TAF2: variants seen among roughly 807,000 people sequenced by gnomAD.
TAF2 encodes the protein transcription initiation factor TFIID subunit 2.
Under a neutral mutation model 138.5 loss-of-function variants are expected in TAF2, and 61 were observed. The ratio of observed to expected loss-of-function variants is 0.44; its 90% CI spans 0.36 to 0.54. The LOEUF is 0.54. Ranked by LOEUF, TAF2 falls within the 20% of genes least tolerant of loss-of-function variation. The pLI, the probability that TAF2 is intolerant of heterozygous loss-of-function variation, is 0.00. For missense variants in TAF2, 1,090 were observed against 1,427.9 expected, an observed-to-expected ratio of 0.76 and a Z score of 3.81; for synonymous variants, 475 against 469.9, an observed-to-expected ratio of 1.01 and a Z score of -0.14.
intron 11 of TAF2, 93 bp downstream of exon 11, chr8:119,791,231 G>A: frequency 6.8e-7 from 1 of 1,461,154 alleles, no homozygotes; most frequent in Non-Finnish European, 9.4e-7. Flanking sequence ...TATAAATCCA[G>A]ATGTCCTGAC....
chr8:119,751,866 T>C (rs1331778649), intron 22 of TAF2, among the ~76,000 whole-genome samples: 4 of 152,200 alleles, frequency 2.6e-5, no homozygotes, highest in African/African-American at 9.6e-5. Context: ...TGTGGAGCAT[T>C]AGTTTAAAAG....
At chr8:119,818,394 T>A (rs926110931) in intron 3 of TAF2, among the ~76,000 whole-genome samples, 1 of 152,174 alleles carries the variant, frequency 6.6e-6, no homozygotes, top group African/African-American at 2.4e-5. Flanking sequence ...AAGTTTATGA[T>A]AAAGTTTTGG....
At chr8:119,792,759 G>A (rs917961540) in intron 10 of TAF2, among the ~76,000 whole-genome samples, 7 of 152,074 alleles carry the variant, frequency 4.6e-5, no homozygotes, top group African/African-American at 1.4e-4. Flanking sequence ...TGAAGGGAGC[G>A]TTCTCTTGCC....
chr8:119,829,568 T>TAC lies in TAF2; in HGVS notation c.138+2107_138+2108dup, dbSNP rs1826312755. ...ATATATATGTATGTGTATATATATA[T>TAC]ACACATACATATATGTATATCTGCC... On this transcript the variant is annotated intron_variant, in intron 2 of 25. Coordinates refer to ENST00000378164, the MANE Select transcript of TAF2 (RefSeq NM_003184.4). 2.6e-5 allele frequency among the ~76,000 whole-genome samples: 4 copies of TAC among 151,980 alleles called. No individual in the cohort carries two copies. In the South Asian group the frequency reaches 8.3e-4, roughly 32 times the overall value.
At chr8:119,732,583 C>T (rs1587629133) in intron 25 of TAF2, among the ~76,000 whole-genome samples, 2 of 152,268 alleles carry the variant, frequency 1.3e-5, no homozygotes, top group East Asian at 3.9e-4. Context: ...GCGGGTAGAT[C>T]ACTTGAGGTC....
chr8:119,743,756 A>C (rs1819759999), intron 24 of TAF2, among the ~76,000 whole-genome samples: 1 of 152,186 alleles, frequency 6.6e-6, no homozygotes, highest in African/African-American at 2.4e-5. Context: ...ATTACCTACA[A>C]TACATAAAAA....
At chr8:119,811,888 C>CT (rs2131235573) in intron 3 of TAF2, among the ~76,000 whole-genome samples, 1 of 151,426 alleles carries the variant, frequency 6.6e-6, no homozygotes, top group South Asian at 2.1e-4. Context: ...AAAAATCTAC[C>CT]TTAACAGGTT....
At chr8:119,757,970 A>AT in intron 21 of TAF2, 103 bp downstream of exon 21, 1 of 951,672 alleles carries the variant, frequency 1.1e-6, no homozygotes, top group Non-Finnish European at 1.7e-6. Context: ...AGATATTCCC[A>AT]TATTTTCAAA....
chr8:119,800,039 T>TA, intron 6 of TAF2, among the ~76,000 whole-genome samples: 1 of 152,234 alleles, frequency 6.6e-6, no homozygotes, highest in Non-Finnish European at 1.5e-5. Context: ...AGATTCTGCA[T>TA]ATTAGCCCTT....
chr8:119,762,345 C>A (rs1821120449), intron 19 of TAF2, 70 bp downstream of exon 19: 1 of 1,470,796 alleles, frequency 6.8e-7, no homozygotes. Context: ...TCCCAATTTT[C>A]TATAACAAAA....
intron 8 of TAF2, 85 bp from the exon 9 acceptor site, chr8:119,795,716 T>C (rs111456326): frequency 2.5e-6 from 3 of 1,206,112 alleles, no homozygotes; most frequent in Non-Finnish European, 3.7e-6. Flanking sequence ...ATAAGTGTAG[T>C]GTGTATTTCC....
intron 18 of TAF2, among the ~76,000 whole-genome samples, chr8:119,766,152 C>T (rs983388345): frequency 7.9e-5 from 12 of 152,124 alleles, no homozygotes; most frequent in African/African-American, 2.4e-4. Flanking sequence ...ACCTACTTAG[C>T]GATTTAGGAA....
At chr8:119,770,434 T>C (rs1408812546) in intron 18 of TAF2, among the ~76,000 whole-genome samples, 1 of 151,984 alleles carries the variant, frequency 6.6e-6, no homozygotes, top group East Asian at 1.9e-4. Flanking sequence ...AGATTGGGGG[T>C]CTATTTTTCA....
Position 119,806,376 on chromosome 8 carries a change from C to A in TAF2, c.325G>T (p.Ala109Ser). 1.2e-6 allele frequency: 2 copies of A among 1,613,418 alleles called. No individual in the cohort carries two copies. Among genetic ancestry groups the A allele is most frequent in the Non-Finnish European group, 1.7e-6 (2 of 1,179,816 alleles). The change falls in exon 4 of 26, where the codon GCT becomes TCT. Residue 109 changes from alanine to serine, a missense_variant. By Grantham distance (99) the Ala-to-Ser change is moderately conservative. Transcript: ENST00000378164. Reference protein sequence around the residue: ...KQRNLNYFSNAYAAAVSAVDP... With the variant: ...KQRNLNYFSNSYAAAVSAVDP... ...ACAGCACTAACTGCAGCTGCATAAGCATTGGAAAAATAATTGAGGTTTCTC... is the reference window on the plus strand; with the variant it reads ...ACAGCACTAACTGCAGCTGCATAAGAATTGGAAAAATAATTGAGGTTTCTC...
At chr8:119,794,068 G>A (rs529600943) in intron 9 of TAF2, among the ~76,000 whole-genome samples, 4 of 151,978 alleles carry the variant, frequency 2.6e-5, no homozygotes, top group African/African-American at 9.6e-5. Flanking sequence ...GGAACTACAG[G>A]CACATGCCAC....
At chr8:119,793,237 G>T in intron 10 of TAF2, 129 bp downstream of exon 10, 1 of 705,894 alleles carries the variant, frequency 1.4e-6, no homozygotes, top group Non-Finnish European at 2.4e-6. Context: ...GTAAGCTTTA[G>T]CAAAGAATAG....
rs1818865954 is a variant in TAF2 at position 119,731,326 on chromosome 8, T to C, written c.*598A>G. The C allele has an allele frequency of 6.6e-6, 1 of 152,264 alleles. No individual in the cohort carries two copies. The highest frequency in any genetic ancestry group is 2.1e-4 in the South Asian group (1 of 4,836). 9.4% of individuals were successfully genotyped at this position (152,264 alleles called of 1,614,324 possible). Reference sequence around the variant, plus strand: ...TATTCAAAATTTTTTTAAAAAAGAATTGCTTCCCCAAATCTCAGTATTTTA... The same window carrying C: ...TATTCAAAATTTTTTTAAAAAAGAACTGCTTCCCCAAATCTCAGTATTTTA... On this transcript the variant is annotated 3_prime_UTR_variant, in exon 26 of 26. Coordinates refer to ENST00000378164, the MANE Select transcript of TAF2 (RefSeq NM_003184.4).
intron 12 of TAF2, 34 bp downstream of exon 12, chr8:119,789,558 C>A: frequency 6.2e-7 from 1 of 1,611,008 alleles, no homozygotes; most frequent in Non-Finnish European, 8.5e-7. Context: ...TTATTCCCTT[C>A]CCCACTCTGT....
intron 6 of TAF2, among the ~76,000 whole-genome samples, chr8:119,799,472 A>G (rs1006219770): frequency 5.3e-5 from 8 of 152,142 alleles, no homozygotes; most frequent in African/African-American, 1.4e-4. Context: ...TGTCCCTGCA[A>G]AGGACATGAA....
Sources: allele counts gnomAD v4.1 joint callset (sites outside exome capture counted in the v4.1 genomes callset), GRCh38; gene constraint gnomAD v4.1.1; transcripts MANE v1.5; gene names NCBI Gene and HGNC (gene_info 2026-07-23, HGNC 2026-07-21).